The following SASH1 variants were observed in gnomAD, a reference collection of about 807,000 sequenced individuals.
The protein encoded by SASH1 is SAM and SH3 domain containing 1, also known as SAM and SH3 domain-containing protein 1.
SASH1 carries 44 observed loss-of-function variants against 125.2 expected under a neutral mutation model. The observed-to-expected ratio is 0.35, with a 90% CI of 0.28 to 0.45. The LOEUF (loss-of-function observed/expected upper bound fraction) is 0.45. Among genes scored for constraint, SASH1 ranks in the 20% least tolerant of loss-of-function variants. SASH1 has a pLI of 1.00. For synonymous variants in SASH1, 639 were observed against 649.1 expected (o/e 0.98, Z 0.24); for missense variants, 1,426 against 1,614.5 (o/e 0.88, Z 2.00).
chr6:148,450,085 AC>A (rs1439480937), intron 4 of SASH1, among the ~76,000 whole-genome samples: 1 of 152,068 alleles, frequency 6.6e-6, no homozygotes, highest in Non-Finnish European at 1.5e-5. Flanking sequence ...GGACAGAAAG[AC>A]CATACCCAAA....
At chr6:148,337,140 C>A (rs1379941370) in intron 1 of SASH1, among the ~76,000 whole-genome samples, 7 of 151,522 alleles carry the variant, frequency 4.6e-5, no homozygotes, top group Admixed American at 1.3e-4. Context: ...CTCACTGCAA[C>A]CTCCGCCTCT....
rs1417543299 is a variant in SASH1, at chr6:148,514,470, A to G, written c.862+14A>G. On this transcript the variant is annotated intron_variant, in intron 9 of 19. Transcript: ENST00000367467. ...CCAGCACTGAAGGTAAAAAAAAAAA[A>G]AAAAAAAAAAAAAAAAGGCAGACTC... 1 of 1,398,790 alleles carries G rather than the reference A, an allele frequency of 7.1e-7. No homozygotes were observed. The highest frequency in any genetic ancestry group is 9.4e-7 in the Non-Finnish European group (1 of 1,068,520). 86.6% of individuals were successfully genotyped at this position (1,398,790 alleles called of 1,614,324 possible).
upstream of SASH1, among the ~76,000 whole-genome samples, chr6:148,269,164 G>A (rs1217290154): frequency 6.6e-6 from 1 of 152,218 alleles, no homozygotes; most frequent in Admixed American, 6.5e-5. Context: ...TCATTAATAA[G>A]AGGTATACTA....
At chr6:148,458,069 C>T (rs1223519462) in intron 4 of SASH1, among the ~76,000 whole-genome samples, 1 of 152,192 alleles carries the variant, frequency 6.6e-6, no homozygotes, top group Non-Finnish European at 1.5e-5. Flanking sequence ...AGTGTTTAGA[C>T]AATGGGGACA....
chr6:148,366,846 C>G (rs1782479795), intron 1 of SASH1, among the ~76,000 whole-genome samples: 2 of 152,136 alleles, frequency 1.3e-5, no homozygotes, highest in South Asian at 4.1e-4. Context: ...TCCTGCCCGT[C>G]TGCCTCCCAA....
At chr6:148,358,727 G>GGTTTTTTTTTTTT (rs1239319632) in intron 1 of SASH1, among the ~76,000 whole-genome samples, 2 of 98,788 alleles carry the variant, frequency 2.0e-5, no homozygotes, top group Non-Finnish European at 4.4e-5. Context: ...CTAATGCCAT[G>GGTTTTTTTTTTTT]TTTTTGTTTT....
Position 148,359,827 on chromosome 6 carries a change from C to T in SASH1, c.156+16604C>T, listed in dbSNP as rs573416736. On this transcript the variant is annotated intron_variant, in intron 1 of 19. Coordinates refer to ENST00000367467, the MANE Select transcript of SASH1 (RefSeq NM_015278.5). ...GGGCTGGAGTACAGTGGTGCAATCT[C>T]AGCTCACTGCAACCTTTGCCTGCCG... Among the ~76,000 whole-genome samples the T allele has an allele frequency of 2.0e-5, 3 of 152,096 alleles. No homozygotes were observed. In the East Asian group the frequency reaches 5.8e-4, roughly 29 times the overall value.
chr6:148,361,940 GT>G, intron 1 of SASH1, among the ~76,000 whole-genome samples: 1 of 125,082 alleles, frequency 8.0e-6, no homozygotes, highest in Admixed American at 9.0e-5. Context: ...TTGAGACAGA[GT>G]CTCACTCTGT....
Position 148,543,837 on chromosome 6 carries a change from T to C in SASH1, c.2367T>C (p.Gly789=). ...KQGQEEGRLG[G]GLAPDTSKSC... ...GACAGGAGGAGGGCAGGCTGGGTGG[T>C]GGCCTTGCCCCAGACACGTCCAAGA... The change falls in exon 18 of 20, where the codon GGT becomes GGC. Residue 789 remains glycine (G), a synonymous_variant. Coordinates refer to ENST00000367467, the MANE Select transcript of SASH1 (RefSeq NM_015278.5). 6.2e-7 allele frequency: 1 copy of C among 1,614,124 alleles called. No homozygotes were observed. The highest frequency in any genetic ancestry group is 8.5e-7 in the Non-Finnish European group (1 of 1,180,022).
intron 2 of SASH1, among the ~76,000 whole-genome samples, chr6:148,408,018 C>T (rs1784448580): frequency 6.6e-6 from 1 of 152,124 alleles, no homozygotes; most frequent in South Asian, 2.1e-4. Context: ...TCTAATTTCT[C>T]GTCATCCTTG....
chr6:148,531,702 T>TAATA, intron 13 of SASH1, 41 bp downstream of exon 13: 1 of 1,461,324 alleles, frequency 6.8e-7, no homozygotes. Context: ...TCTTTGGAGT[T>TAATA]AATATCTGAC....
rs1232866026 is a variant in SASH1 at position 148,487,084 on chromosome 6, CAT to C, written c.628-522_628-521del. On this transcript the variant is annotated intron_variant, in intron 7 of 19. Transcript: ENST00000367467. Reference sequence around the variant, plus strand: ...AAAAAACAAATATATATATATAACACATATATATACACACACACACACACACA... The same window carrying C: ...AAAAAACAAATATATATATATAACACATATATACACACACACACACACACA... 3.4e-4 allele frequency among the ~76,000 whole-genome samples: 38 copies of C among 110,472 alleles called. 1 individual carries two copies. Among genetic ancestry groups the C allele is most frequent in the African/African-American group, 1.1e-3 (30 of 27,396 alleles). 72.5% of individuals were successfully genotyped at this position (110,472 alleles called of 152,430 possible).
intron 10 of SASH1, among the ~76,000 whole-genome samples, chr6:148,523,240 G>A (rs1013167697): frequency 5.3e-5 from 8 of 152,198 alleles, no homozygotes; most frequent in African/African-American, 1.9e-4. Context: ...AGGCATCTGG[G>A]TGCCATACCA....
intron 2 of SASH1, among the ~76,000 whole-genome samples, chr6:148,390,951 T>C (rs773398646): frequency 1.3e-4 from 19 of 151,836 alleles, no homozygotes; most frequent in Non-Finnish European, 2.5e-4. Context: ...TCTTCTCTTT[T>C]TCTTTTCTTC....
intron 4 of SASH1, among the ~76,000 whole-genome samples, chr6:148,449,773 G>A (rs184308588): frequency 4.6e-5 from 7 of 152,268 alleles, no homozygotes; most frequent in East Asian, 3.9e-4. Context: ...CCTGGCTTCC[G>A]GGGAGGGCCG....
intron 1 of SASH1, among the ~76,000 whole-genome samples, chr6:148,354,463 T>C (rs1013342947): frequency 2.0e-5 from 3 of 152,226 alleles, no homozygotes; most frequent in African/African-American, 7.2e-5. Context: ...TTTATAATCC[T>C]GATTTTTTTG....
At chr6:148,468,112 T>G (rs538060777) in intron 4 of SASH1, among the ~76,000 whole-genome samples, 2 of 152,304 alleles carry the variant, frequency 1.3e-5, no homozygotes, top group South Asian at 4.2e-4. Flanking sequence ...GCCCCCTTTG[T>G]TTTCCTAGAG....
chr6:148,487,090 T>TACACACACACACACACACAC (rs1448530373), intron 7 of SASH1, among the ~76,000 whole-genome samples: 11 of 100,702 alleles, frequency 1.1e-4, no homozygotes, highest in African/African-American at 4.4e-4. Context: ...AACACATATA[T>TACACACACACACACACACAC]ATACACACAC....
At chr6:148,393,082 T>C (rs1169095909) in intron 2 of SASH1, among the ~76,000 whole-genome samples, 1 of 147,958 alleles carries the variant, frequency 6.8e-6, no homozygotes, top group African/African-American at 2.5e-5. Context: ...GTTTCCCTCC[T>C]GTTGCCCAGG....
Sources: gnomAD v4.1 joint callset for allele counts (sites outside exome capture counted in the v4.1 genomes callset) on GRCh38, gnomAD v4.1.1 for gene constraint, MANE v1.5 for transcripts, NCBI Gene and HGNC (gene_info 2026-07-23, HGNC 2026-07-21) for gene names.